The following UNKL variants were observed in gnomAD, a reference collection of about 807,000 sequenced individuals.
The protein encoded by UNKL is unk like zinc finger.
A neutral mutation model predicts 78.0 loss-of-function variants in UNKL; 60 were observed. The observed-to-expected ratio is 0.77, with a 90% CI of 0.63 to 0.95. UNKL has a LOEUF of 0.95. Ranked by LOEUF, UNKL falls within the 40% of genes least tolerant of loss-of-function variation. The pLI is 0.00. For synonymous variants in UNKL, 608 were observed against 474.8 expected (o/e 1.28, Z -3.65); for missense variants, 1,159 against 1,045.7 (o/e 1.11, Z -1.49).
At chr16:1,393,450 G>A (rs1437262462) in intron 7 of UNKL, among the ~76,000 whole-genome samples, 2 of 151,998 alleles carry the variant, frequency 1.3e-5, no homozygotes, top group Non-Finnish European at 2.9e-5. Flanking sequence ...GCGTGGAGGA[G>A]GCCGCGTGGG....
intron 11 of UNKL, 123 bp from the exon 12 acceptor site, chr16:1,370,480 G>T: frequency 1.5e-5 from 18 of 1,179,206 alleles, no homozygotes; most frequent in East Asian, 3.0e-5. Flanking sequence ...TGGGGGGTGG[G>T]AATATAGGGG....
chr16:1,372,688 G>A (rs1259675091), intron 10 of UNKL, among the ~76,000 whole-genome samples: 3 of 152,220 alleles, frequency 2.0e-5, no homozygotes, highest in African/African-American at 7.2e-5. Context: ...GGATCTGAGA[G>A]CCCACGTGCC....
chr16:1,389,204 C>A (rs1007444835), intron 9 of UNKL, among the ~76,000 whole-genome samples: 1 of 152,152 alleles, frequency 6.6e-6, no homozygotes, highest in African/African-American at 2.4e-5. Context: ...ATGGACCAAA[C>A]GTGTCCCCCC....
intron 5 of UNKL, 36 bp from the exon 6 acceptor site, chr16:1,397,331 C>G: frequency 1.9e-6 from 1 of 524,024 alleles, no homozygotes; most frequent in African/African-American, 2.7e-5. Context: ...ACACAGAGGA[C>G]TTGGCTCCCC....
intron 14 of UNKL, among the ~76,000 whole-genome samples, 193 bp from the exon 15 acceptor site, chr16:1,366,588 C>G (rs1694433093): frequency 1.3e-5 from 2 of 152,286 alleles, no homozygotes; most frequent in Middle Eastern, 3.4e-3. Flanking sequence ...GGGGTATGCT[C>G]TGTCTTAAGA....
At chr16:1,393,994 G>A in intron 7 of UNKL, 137 bp downstream of exon 7, 1 of 850,792 alleles carries the variant, frequency 1.2e-6, no homozygotes, top group East Asian at 2.7e-5. Context: ...GGGACCCCCA[G>A]CCCCCAACCA....
chr16:1,394,692 G>A (rs1238081422), intron 6 of UNKL, among the ~76,000 whole-genome samples: 29 of 152,268 alleles, frequency 1.9e-4, no homozygotes, highest in South Asian at 2.1e-4. Context: ...GGCCTTGGGA[G>A]GCCTGGCCCA....
At chr16:1,410,288 A>G (rs917096713) in intron 2 of UNKL, among the ~76,000 whole-genome samples, 1 of 147,472 alleles carries the variant, frequency 6.8e-6, no homozygotes, top group Admixed American at 6.8e-5. Context: ...AAAAGAGAGA[A>G]AAAGATGCTT....
intron 10 of UNKL, chr16:1,379,442 A>G (rs1280486338): frequency 1.1e-5 from 11 of 976,216 alleles, no homozygotes; most frequent in Non-Finnish European, 1.3e-5. Flanking sequence ...AGGTTCCGAG[A>G]AGGCGACGCC....
At chr16:1,383,529 T>C (rs1461289060) in intron 10 of UNKL, 5 of 301,726 alleles carry the variant, frequency 1.7e-5, no homozygotes, top group African/African-American at 8.7e-5. Flanking sequence ...CCACTCAGGA[T>C]GGGACTGGTC....
In UNKL at chr16:1,398,089, A is replaced by C. The variant is rs1003673208; in HGVS notation, c.735-794T>G. On this transcript the variant is annotated intron_variant, in intron 5 of 14. Transcript: ENST00000389221. ...GGAGAAGCAGCCGAACCTCCTGGGG[A>C]CAGTGAGGCCGGGCGCCCAGACAGC... is the stretch of plus-strand genomic sequence containing the variant. 4.6e-5 allele frequency among the ~76,000 whole-genome samples: 7 copies of C among 152,324 alleles called. No individual in the cohort carries two copies. The East Asian group carries it at 1.3e-3, about 29-fold the overall frequency.
chr16:1,378,620 C>T (rs930350806), intron 10 of UNKL, among the ~76,000 whole-genome samples: 11 of 152,194 alleles, frequency 7.2e-5, no homozygotes, highest in Non-Finnish European at 1.5e-4. Flanking sequence ...AACTACGGCT[C>T]GCACTCAACT....
chr16:1,405,576 CAA>C (rs549762269), intron 2 of UNKL, among the ~76,000 whole-genome samples: 2 of 132,978 alleles, frequency 1.5e-5, no homozygotes, highest in Admixed American at 7.6e-5. Flanking sequence ...AACTCCATCT[CAA>C]AAAAAAAAAA....
rs549675302 is a variant in UNKL, at chr16:1,383,475, C to T, written c.1264+1733G>A. 3.5e-5 allele frequency: 8 copies of T among 230,676 alleles called. 1 individual carries two copies. The highest frequency in any genetic ancestry group is 2.5e-4 in the South Asian group (5 of 19,654). The allele number at this position is 230,676 out of a possible 1,614,324, so 14.3% of individuals were successfully genotyped here. A position where few individuals can be genotyped will look rare whatever the true frequency, so the allele number is the denominator to read the frequency against. On this transcript the variant is annotated intron_variant, in intron 10 of 14. Coordinates refer to ENST00000389221, the MANE Select transcript of UNKL (RefSeq NM_001372107.1). ...CCTGGGTGCTTGGGGGACTGAGGAC[C>T]GTCCTGGGGCCTCAGGAGCTGCACC...
chr16:1,391,028 C>CT (rs1459380138), intron 8 of UNKL, among the ~76,000 whole-genome samples: 1 of 151,402 alleles, frequency 6.6e-6, no homozygotes, highest in Non-Finnish European at 1.5e-5. Flanking sequence ...GAAACTCCGT[C>CT]TCAAAAAATA....
chr16:1,403,970 C>A lies in UNKL; in HGVS notation c.288-626G>T, dbSNP rs939822803. On this transcript the variant is annotated intron_variant, in intron 2 of 14. Coordinates refer to ENST00000389221, the MANE Select transcript of UNKL (RefSeq NM_001372107.1). The surrounding 1 kb of genome is among the most constrained non-coding windows in gnomAD (Gnocchi z 4.8). ...CCAGAGCCATGCTCCTGGGGAGTCA[C>A]AGGCAGCTCCTGAAGCACGATGGGG... Among the ~76,000 whole-genome samples, 1 of 152,192 alleles carries A rather than the reference C, an allele frequency of 6.6e-6. No individual in the cohort carries two copies. The highest frequency in any genetic ancestry group is 1.9e-4 in the East Asian group (1 of 5,196).
At chr16:1,371,766 G>C (rs2141979785) in intron 10 of UNKL, among the ~76,000 whole-genome samples, 155 bp from the exon 11 acceptor site, 1 of 152,264 alleles carries the variant, frequency 6.6e-6, no homozygotes, top group East Asian at 1.9e-4. Context: ...GACACCCCCA[G>C]CCCGTCCTCG....
At chr16:1,405,989 C>G (rs752111230) in intron 2 of UNKL, 22 of 456,650 alleles carry the variant, frequency 4.8e-5, no homozygotes, top group South Asian at 1.5e-5. Context: ...CTAGGAGGCC[C>G]GTGGCCCATG....
At position 1,370,256 on chromosome 16, in the gene UNKL, C is replaced by T. The variant is rs374643122; in HGVS notation, c.1459G>A (p.Gly487Ser). Residue 487 changes from glycine to serine, a missense_variant, in exon 12 of 15, where the codon GGT becomes AGT. Transcript: ENST00000389221. Reference sequence around the variant, plus strand: ...CCTGGGAGGGGCTGGGACAGCGAACCGAGCGGCGAGGTGGACGCAGAGGAT... The same window carrying T: ...CCTGGGAGGGGCTGGGACAGCGAACTGAGCGGCGAGGTGGACGCAGAGGAT... ...SPSSASTSPLGSLSQPLPGPV... is the reference protein window; with the variant it reads ...SPSSASTSPLSSLSQPLPGPV... The T allele has an allele frequency of 7.9e-5, 121 of 1,533,744 alleles. 1 individual carries two copies. Among genetic ancestry groups the T allele is most frequent in the South Asian group, 1.4e-4 (12 of 83,872 alleles).
Sources: allele counts gnomAD v4.1 joint callset (sites outside exome capture counted in the v4.1 genomes callset), GRCh38; gene constraint gnomAD v4.1.1; non-coding constraint Gnocchi (gnomAD v3.1); transcripts MANE v1.5; gene names NCBI Gene and HGNC (gene_info 2026-07-23, HGNC 2026-07-21).